PTDSS1: variants seen among roughly 807,000 people sequenced by gnomAD.
PTDSS1 encodes the protein PSS-1.
In PTDSS1, 45 loss-of-function variants were observed where a neutral mutation model predicts 70.5. The observed-to-expected ratio is 0.64, with a 90% CI of 0.50 to 0.82. The LOEUF (loss-of-function observed/expected upper bound fraction) is 0.82. Ranked by LOEUF, PTDSS1 falls within the 40% of genes least tolerant of loss-of-function variation. PTDSS1 has a pLI of 0.00. For synonymous variants in PTDSS1, 188 were observed against 203.8 expected (o/e 0.92, Z 0.66); for missense variants, 417 against 586.1 (o/e 0.71, Z 2.98).
Position 96,299,777 on chromosome 8 carries a change from T to G in PTDSS1, c.684T>G (p.Gly228=), listed in dbSNP as rs773947622. 1 of 1,614,072 alleles carries G rather than the reference T, an allele frequency of 6.2e-7. No homozygotes were observed. The highest frequency in any genetic ancestry group is 1.7e-5 in the Admixed American group (1 of 59,998). Residue 228 remains glycine, a synonymous_variant, in exon 6 of 13, where the codon GGT becomes GGG. Coordinates refer to ENST00000517309, the MANE Select transcript of PTDSS1 (RefSeq NM_014754.3). ...VILDILLCNG[G]GIWLGMVVCR... is the part of the protein sequence containing the mutation. Reference sequence around the variant, plus strand: ...TGGACATCCTGTTGTGCAATGGCGGTGGCATTTGGCTGGGCATGGTCGTTT... The same window carrying G: ...TGGACATCCTGTTGTGCAATGGCGGGGGCATTTGGCTGGGCATGGTCGTTT...
intron 4 of PTDSS1, 153 bp downstream of exon 4, chr8:96,287,299 G>T (rs1810838140): frequency 1.0e-6 from 1 of 1,004,462 alleles, no homozygotes; most frequent in Admixed American, 2.4e-5. Flanking sequence ...GAGTTGCATG[G>T]TTGTCCACAG....
chr8:96,312,677 T>G (rs1215633790), intron 9 of PTDSS1, among the ~76,000 whole-genome samples: 1 of 152,006 alleles, frequency 6.6e-6, no homozygotes, highest in Non-Finnish European at 1.5e-5. Flanking sequence ...CAGTGAGCTA[T>G]GCTGAAAAAT....
At chr8:96,325,671 TGCTGCTGTCAAAATGA>T (rs1203316382) in intron 10 of PTDSS1, among the ~76,000 whole-genome samples, 1 of 152,182 alleles carries the variant, frequency 6.6e-6, no homozygotes, top group Non-Finnish European at 1.5e-5. Flanking sequence ...CCATTCTCCA[TGCTGCTGTCAAAATGA>T]TCTTCCAAAA....
chr8:96,300,756 A>G (rs1052442013), intron 6 of PTDSS1, among the ~76,000 whole-genome samples: 17 of 152,212 alleles, frequency 1.1e-4, no homozygotes, highest in Admixed American at 9.8e-4. Flanking sequence ...TGGATAAACC[A>G]TGTAGTATTT....
At chr8:96,319,202 C>G (rs1409268728) in intron 9 of PTDSS1, among the ~76,000 whole-genome samples, 1 of 151,922 alleles carries the variant, frequency 6.6e-6, no homozygotes, top group Non-Finnish European at 1.5e-5. Flanking sequence ...ACATGAGCCA[C>G]CATGCCCTGC....
At chr8:96,284,651 A>C (rs777262406) in intron 3 of PTDSS1, among the ~76,000 whole-genome samples, 1 of 152,218 alleles carries the variant, frequency 6.6e-6, no homozygotes, top group Non-Finnish European at 1.5e-5. Context: ...TAAATATTGG[A>C]TGTCTTATTT....
intron 2 of PTDSS1, among the ~76,000 whole-genome samples, chr8:96,273,967 T>G (rs1369173450): frequency 6.6e-6 from 1 of 152,206 alleles, no homozygotes; most frequent in Non-Finnish European, 1.5e-5. Context: ...GCAAAGCTTT[T>G]GTTTAAAAAG....
intron 7 of PTDSS1, 78 bp downstream of exon 7, chr8:96,304,259 T>C: frequency 6.9e-7 from 1 of 1,442,886 alleles, no homozygotes; most frequent in South Asian, 1.3e-5. Flanking sequence ...AGAGTTAACA[T>C]TAGTTTACAT....
rs781028718 is a variant in PTDSS1 at position 96,284,170 on chromosome 8, A to G, written c.316+17A>G. 3 of 1,588,850 alleles carry G rather than the reference A, an allele frequency of 1.9e-6. No individual in the cohort carries two copies. Among genetic ancestry groups the G allele is most frequent in the Non-Finnish European group, 2.6e-6 (3 of 1,159,458 alleles). On this transcript the variant is annotated intron_variant, in intron 3 of 12. Transcript: ENST00000517309. The stretch of plus-strand genomic sequence containing the variant: ...TGGTTTTTGGTGAGTTTATATTAGC[A>G]ATGTAAAAGGATGTTCTATTTTTTT...
rs1439836056 is a variant in PTDSS1, at chr8:96,262,488, T to TCGCC, written c.179+271_179+274dup. 6.6e-6 allele frequency among the ~76,000 whole-genome samples: 1 copy of TCGCC among 152,078 alleles called. No homozygotes were observed. Among genetic ancestry groups the TCGCC allele is most frequent in the East Asian group, 1.9e-4 (1 of 5,174 alleles). ...AACGCACGCGAGTCACCTAGCACGATCGCCCCCTCACCCACCGCACTCAGC... is the reference window on the plus strand; with the variant it reads ...AACGCACGCGAGTCACCTAGCACGATCGCCCGCCCCCTCACCCACCGCACTCAGC... On this transcript the variant is annotated intron_variant, in intron 1 of 12. Transcript: ENST00000517309. This position sits in a 1 kb window ranked among gnomAD's most constrained non-coding sequence, Gnocchi z 4.4.
At chr8:96,266,356 AC>A (rs1409153986) in intron 1 of PTDSS1, among the ~76,000 whole-genome samples, 3 of 152,252 alleles carry the variant, frequency 2.0e-5, no homozygotes, top group African/African-American at 7.2e-5. Flanking sequence ...ACAGGCAAGG[AC>A]AGGGAAATGG....
intron 8 of PTDSS1, among the ~76,000 whole-genome samples, chr8:96,307,738 GCAGCT>G (rs1281142485): frequency 1.3e-4 from 19 of 151,976 alleles, no homozygotes; most frequent in Non-Finnish European, 1.9e-4. Context: ...AAGATTTACC[GCAGCT>G]CTTTCATAAA....
In PTDSS1 at chr8:96,333,917, T is replaced by G; in HGVS notation, c.*351T>G. 1.7e-6 allele frequency: 1 copy of G among 586,372 alleles called. No homozygotes were observed. Among genetic ancestry groups the G allele is most frequent in the Non-Finnish European group, 3.0e-6 (1 of 328,624 alleles). 36.3% of individuals were successfully genotyped at this position (586,372 alleles called of 1,614,324 possible). On this transcript the variant is annotated 3_prime_UTR_variant, in exon 13 of 13. Transcript: ENST00000517309. ...GATCGTGGATGCAGCGTAAACATCT[T>G]CCTTCAGACGAGGCATTAACCCCAT...
At chr8:96,311,314 A>T (rs1811209340) in intron 9 of PTDSS1, among the ~76,000 whole-genome samples, 1 of 152,230 alleles carries the variant, frequency 6.6e-6, no homozygotes, top group Admixed American at 6.5e-5. Flanking sequence ...TTCTAAATGG[A>T]GTATGAGAGT....
chr8:96,288,385 C>T lies in PTDSS1; in HGVS notation c.441+1239C>T, dbSNP rs138313918. On this transcript the variant is annotated intron_variant, in intron 4 of 12. Transcript: ENST00000517309. ...TGTTGCCTAGGCTGGAGTGCAGTGG[C>T]ACAATCTCGGCTCACTGCAGCCTCT... 9.9e-4 allele frequency among the ~76,000 whole-genome samples: 150 copies of T among 151,954 alleles called. 6 individuals carry two copies. The East Asian group carries it at 0.028, about 28-fold the overall frequency.
At chr8:96,281,846 G>T (rs922915332) in intron 2 of PTDSS1, among the ~76,000 whole-genome samples, 12 of 152,154 alleles carry the variant, frequency 7.9e-5, no homozygotes, top group South Asian at 2.1e-4. Context: ...CCCCGGGCAG[G>T]TTCCTCTGCC....
rs78736605 is a variant in PTDSS1 at position 96,321,148 on chromosome 8, C to T, written c.1173+803C>T. On this transcript the variant is annotated intron_variant, in intron 10 of 12. Coordinates refer to ENST00000517309, the MANE Select transcript of PTDSS1 (RefSeq NM_014754.3). ...AGATGGCCCCTCATGAACCCATCAT[C>T]GGTTATCAACTCAGGGCCAATTGTG... 1.8e-3 allele frequency among the ~76,000 whole-genome samples: 281 copies of T among 152,260 alleles called. 3 individuals are homozygous for T. In the East Asian group the frequency reaches 0.033, roughly 18 times the overall value.
At chr8:96,284,746 A>G (rs918404679) in intron 3 of PTDSS1, among the ~76,000 whole-genome samples, 1 of 152,238 alleles carries the variant, frequency 6.6e-6, no homozygotes, top group Non-Finnish European at 1.5e-5. Context: ...GCTTCATCTG[A>G]CCTAAATAAG....
chr8:96,311,016 TC>T, intron 9 of PTDSS1, among the ~76,000 whole-genome samples: 2 of 152,180 alleles, frequency 1.3e-5, no homozygotes, highest in African/African-American at 2.4e-5. Context: ...CCACCCACCT[TC>T]TGCCTCCCAA....
Sources: allele counts gnomAD v4.1 joint callset (sites outside exome capture counted in the v4.1 genomes callset), GRCh38; gene constraint gnomAD v4.1.1; non-coding constraint Gnocchi (gnomAD v3.1); transcripts MANE v1.5; gene names NCBI Gene and HGNC (gene_info 2026-07-23, HGNC 2026-07-21).